The following FAR1 variants were observed in gnomAD, a reference collection of about 807,000 sequenced individuals.
The protein encoded by FAR1 is male sterility domain-containing protein 2.
FAR1 carries 22 observed loss-of-function variants against 61.1 expected under a neutral mutation model. The ratio of observed to expected loss-of-function variants is 0.36; its 90% confidence interval spans 0.26 to 0.51. The LOEUF (loss-of-function observed/expected upper bound fraction) is 0.51. Ranked by LOEUF, FAR1 falls within the 20% of genes least tolerant of loss-of-function variation. The probability of loss-of-function intolerance (pLI) is 0.95; values close to 1 mark genes in which losing one functional copy is unlikely to be tolerated. For missense variants in FAR1, 359 were observed against 626.9 expected (o/e 0.57, Z 4.56); for synonymous variants, 206 against 209.7 (o/e 0.98, Z 0.15).
intron 10 of FAR1, among the ~76,000 whole-genome samples, chr11:13,727,134 T>C (rs1848675493): frequency 2.0e-5 from 3 of 152,026 alleles, no homozygotes; most frequent in Admixed American, 2.0e-4. Flanking sequence ...CGCATCTTGA[T>C]GTCAGAAGTA....
intron 1 of FAR1, among the ~76,000 whole-genome samples, chr11:13,691,568 A>G (rs1019112699): frequency 2.6e-5 from 4 of 152,214 alleles, no homozygotes; most frequent in African/African-American, 9.6e-5. Context: ...ACCAGTTTGC[A>G]TTCTGTCTCT....
At chr11:13,701,805 TA>T (rs2134185058) in intron 3 of FAR1, among the ~76,000 whole-genome samples, 1 of 152,220 alleles carries the variant, frequency 6.6e-6, no homozygotes, top group East Asian at 1.9e-4. Context: ...TTACCTACTG[TA>T]ATATTATAGG....
chr11:13,690,767 G>T (rs1362631762), intron 1 of FAR1, among the ~76,000 whole-genome samples: 1 of 151,526 alleles, frequency 6.6e-6, no homozygotes, highest in Non-Finnish European at 1.5e-5. Context: ...TAAAAAAACA[G>T]CGTAGATTTT....
intron 4 of FAR1, among the ~76,000 whole-genome samples, chr11:13,709,648 T>C (rs1250770646): frequency 1.3e-5 from 2 of 152,070 alleles, no homozygotes; most frequent in South Asian, 4.1e-4. Flanking sequence ...CAACTATCCC[T>C]TTCATTTTTC....
chr11:13,695,238 G>A (rs958930305), intron 2 of FAR1, among the ~76,000 whole-genome samples: 3 of 149,680 alleles, frequency 2.0e-5, no homozygotes, highest in African/African-American at 7.7e-5. Context: ...GAGGCAGGTT[G>A]TTTGTAACTA....
Position 13,721,869 on chromosome 11 carries a change from T to C in FAR1, c.1257+10T>C. ...CCCTGAAGATAAAAAGGCAAGCAAG[T>C]ATTTTCTGTTTTATATTAGAAAATA... On this transcript the variant is annotated intron_variant, in intron 10 of 11. Transcript: ENST00000354817. The surrounding 1 kb of genome is among the most constrained non-coding windows in gnomAD (Gnocchi z 4.2). 3 of 1,585,962 alleles carry C rather than the reference T, an allele frequency of 1.9e-6. No homozygotes were observed. In the South Asian group the frequency reaches 3.5e-5, roughly 18 times the overall value.
At chr11:13,702,613 AT>A (rs1037135961) in intron 3 of FAR1, among the ~76,000 whole-genome samples, 2 of 152,250 alleles carry the variant, frequency 1.3e-5, no homozygotes, top group African/African-American at 4.8e-5. Flanking sequence ...AGTAAAGTCG[AT>A]TTTTTCCCCC....
chr11:13,713,069 A>G (rs771567235), intron 8 of FAR1, 36 bp downstream of exon 8: 6 of 1,575,646 alleles, frequency 3.8e-6, no homozygotes, highest in Non-Finnish European at 4.4e-6. Flanking sequence ...TGTTAGAATA[A>G]ATCTTAAAGA....
Position 13,731,696 on chromosome 11 carries a change from A to C in FAR1, c.*2922A>C, listed in dbSNP as rs931517639. On this transcript the variant is annotated 3_prime_UTR_variant, in exon 12 of 12. Transcript: ENST00000354817. Reference sequence around the variant, plus strand: ...ACAGGCAGGATGACACTTTGTGTTAAAGTGTTATTTTTATGTATTACCTGG... The same window carrying C: ...ACAGGCAGGATGACACTTTGTGTTACAGTGTTATTTTTATGTATTACCTGG... 6.6e-6 allele frequency: 1 copy of C among 152,058 alleles called. No individual in the cohort carries two copies. The highest frequency in any genetic ancestry group is 2.4e-5 in the African/African-American group (1 of 41,380). The allele number at this position is 152,058 out of a possible 1,614,324, so 9.4% of individuals were successfully genotyped here.
intron 1 of FAR1, among the ~76,000 whole-genome samples, chr11:13,689,722 A>C (rs559542446): frequency 3.3e-5 from 5 of 152,158 alleles, no homozygotes; most frequent in Non-Finnish European, 7.3e-5. Context: ...TCTCCTAAGT[A>C]TCATATCAAC....
chr11:13,710,259 G>T (rs571825716), intron 4 of FAR1, among the ~76,000 whole-genome samples: 70 of 151,852 alleles, frequency 4.6e-4, no homozygotes, highest in Non-Finnish European at 9.1e-4. Context: ...CTTCCAGAAG[G>T]TTTCAGATAT....
intron 10 of FAR1, among the ~76,000 whole-genome samples, chr11:13,724,275 TGG>T (rs761831993): frequency 0.089 from 13,604 of 152,020 alleles, 698 homozygotes; most frequent in Middle Eastern, 0.13. Flanking sequence ...GGGCCGGGCG[TGG>T]TGGCTCACAC....
At chr11:13,692,060 C>T (rs1335220559) in intron 1 of FAR1, among the ~76,000 whole-genome samples, 4 of 151,930 alleles carry the variant, frequency 2.6e-5, no homozygotes, top group African/African-American at 9.7e-5. Flanking sequence ...CCCAGCTACT[C>T]GAAGGCTGAG....
At chr11:13,713,116 T>C in intron 8 of FAR1, 83 bp downstream of exon 8, 1 of 1,239,036 alleles carries the variant, frequency 8.1e-7, no homozygotes, top group Non-Finnish European at 1.2e-6. Context: ...AGAATACCTA[T>C]GAGGCATTAA....
At position 13,730,053 on chromosome 11, in the gene FAR1, A is replaced by G. The variant is rs1422862911; in HGVS notation, c.*1279A>G. The G allele has an allele frequency of 1.3e-5, 2 of 152,420 alleles. No individual in the cohort carries two copies. Among genetic ancestry groups the G allele is most frequent in the African/African-American group, 4.8e-5 (2 of 41,448 alleles). 9.4% of individuals were successfully genotyped at this position (152,420 alleles called of 1,614,324 possible). On this transcript the variant is annotated 3_prime_UTR_variant, in exon 12 of 12. Transcript: ENST00000354817. ...TACATTAAAATTCCCTTTTAATCATAATAGTTAACTCTACTTACTGTTTTA... is the reference window on the plus strand; with the variant it reads ...TACATTAAAATTCCCTTTTAATCATGATAGTTAACTCTACTTACTGTTTTA...
intron 10 of FAR1, among the ~76,000 whole-genome samples, chr11:13,724,936 T>C (rs775775578): frequency 5.3e-5 from 8 of 152,124 alleles, no homozygotes; most frequent in Non-Finnish European, 8.8e-5. Flanking sequence ...CATTCTCAGG[T>C]AGTTCTTTGT....
At chr11:13,727,510 G>C (rs748360382) in intron 10 of FAR1, 46 bp from the exon 11 acceptor site, 1 of 1,546,770 alleles carries the variant, frequency 6.5e-7, no homozygotes, top group Non-Finnish European at 8.7e-7. Context: ...CTGGTTGTGA[G>C]AAAAATTAGT....
intron 3 of FAR1, among the ~76,000 whole-genome samples, chr11:13,707,631 CTGTT>C (rs1466029364): frequency 2.6e-5 from 4 of 152,126 alleles, no homozygotes; most frequent in South Asian, 2.1e-4. Context: ...CTGAAATTAT[CTGTT>C]TGTTCCTGGA....
rs201941393 is a variant in FAR1, at chr11:13,711,821, T to C, written c.768+13T>C. On this transcript the variant is annotated intron_variant, in intron 6 of 11. Coordinates refer to ENST00000354817, the MANE Select transcript of FAR1 (RefSeq NM_032228.6). ...TCTCTTTATTGCGGTAAGTAAACCT[T>C]TTGATTTATTTAATATTCTATACAT... 51 of 1,590,578 alleles carry C rather than the reference T, an allele frequency of 3.2e-5. No homozygotes were observed. Among genetic ancestry groups the C allele is most frequent in the Non-Finnish European group, 4.2e-5 (49 of 1,165,836 alleles).
Sources: allele counts gnomAD v4.1 joint callset (sites outside exome capture counted in the v4.1 genomes callset), GRCh38; gene constraint gnomAD v4.1.1; non-coding constraint Gnocchi (gnomAD v3.1); transcripts MANE v1.5; gene names NCBI Gene and HGNC (gene_info 2026-07-23, HGNC 2026-07-21).